Variants in RBPJ observed in about 807,000 individuals in gnomAD.
The protein encoded by RBPJ is recombining binding protein suppressor of hairless.
In RBPJ, 9 loss-of-function variants were observed where a neutral mutation model predicts 67.8. The observed-to-expected ratio is 0.13, with a 90% confidence interval of 0.08 to 0.23. The LOEUF (loss-of-function observed/expected upper bound fraction) is 0.23, where lower values mean the gene tolerates loss of function less well. Among genes scored for constraint, RBPJ ranks in the 10% least tolerant of loss-of-function variants. The probability of loss-of-function intolerance (pLI) is 1.00; values close to 1 mark genes in which losing one functional copy is unlikely to be tolerated. For missense variants in RBPJ, 305 were observed against 595.6 expected (o/e 0.51, Z 5.08); for synonymous variants, 198 against 203.3 (o/e 0.97, Z 0.22).
chr4:26,138,602 A>G, the RBPJ span, among the ~76,000 whole-genome samples: 3 of 152,178 alleles, frequency 2.0e-5, no homozygotes, highest in African/African-American at 7.2e-5. Context: ...AGCCAGAGAA[A>G]TGTCGCTGCT....
chr4:26,415,663 C>T (rs1734511205), intron 4 of RBPJ, 23 bp downstream of exon 4: 1 of 1,575,536 alleles, frequency 6.3e-7, no homozygotes. Flanking sequence ...TGCTAGTTCA[C>T]CAGAAAGGGG....
chr4:26,325,321 T>C (rs1235038214), intron 1 of RBPJ, among the ~76,000 whole-genome samples: 1 of 152,228 alleles, frequency 6.6e-6, no homozygotes, highest in Non-Finnish European at 1.5e-5. Flanking sequence ...AGCTTCTACA[T>C]GTAGCAGAGC....
intron 1 of RBPJ, among the ~76,000 whole-genome samples, chr4:26,353,757 C>A (rs1298878986): frequency 7.0e-6 from 1 of 142,674 alleles, no homozygotes; most frequent in African/African-American, 2.6e-5. Context: ...TACAGGCACC[C>A]ACCACCACGC....
chr4:26,112,544 C>CTTTTTTTTTTTTTTT, the RBPJ span: 1 of 102,290 alleles, frequency 9.8e-6, no homozygotes. Flanking sequence ...AGGAGGCAGC[C>CTTTTTTTTTTTTTTT]TTTTTTTTTT....
chr4:26,361,048 A>T (rs369403702), intron 1 of RBPJ, among the ~76,000 whole-genome samples: 47 of 147,462 alleles, frequency 3.2e-4, no homozygotes, highest in African/African-American at 9.6e-4. Context: ...TTCAGGAGTG[A>T]GTGTGTGTGC....
intron 1 of RBPJ, chr4:26,384,028 T>C (rs1730568989): frequency 6.6e-6 from 1 of 152,006 alleles, no homozygotes; most frequent in Non-Finnish European, 1.5e-5. Context: ...CCGGGCTAAT[T>C]TTTGTACTTT....
chr4:26,141,582 G>C, the RBPJ span, among the ~76,000 whole-genome samples: 1 of 152,206 alleles, frequency 6.6e-6, no homozygotes, highest in South Asian at 2.1e-4. Flanking sequence ...TGCATACAAC[G>C]TATGAGGATC....
chr4:26,161,264 T>G (rs1716071060), upstream of RBPJ, among the ~76,000 whole-genome samples: 1 of 152,204 alleles, frequency 6.6e-6, no homozygotes, highest in African/African-American at 2.4e-5. Flanking sequence ...CCATCCCAGC[T>G]AAGATCATCC....
chr4:26,163,903 G>A (rs1399312526), intron 1 of RBPJ, among the ~76,000 whole-genome samples: 4 of 152,196 alleles, frequency 2.6e-5, no homozygotes, highest in African/African-American at 7.2e-5. Context: ...CCTCCAGACC[G>A]GTAACACTGC....
chr4:26,394,111 C>T (rs955544812), intron 2 of RBPJ, among the ~76,000 whole-genome samples: 17 of 151,098 alleles, frequency 1.1e-4, no homozygotes, highest in African/African-American at 1.5e-4. Context: ...ATTGCAAGCT[C>T]GGCTTCCCGG....
At position 26,231,542 on chromosome 4, in the gene RBPJ, G is replaced by A. The variant is rs1477741432; in HGVS notation, c.-167+67928G>A. ...TTCTCCTGCCTCAGCCTCCAGAGTA[G>A]CTGGGATTATAGGCACCCGCCACCA... On this transcript the variant is annotated intron_variant, in intron 1 of 4. Coordinates refer to the RBPJ transcript ENST00000512351. Among the ~76,000 whole-genome samples the A allele has an allele frequency of 2.0e-5, 3 of 151,662 alleles. No individual in the cohort carries two copies. In the East Asian group the frequency reaches 5.9e-4, roughly 30 times the overall value.
At chr4:26,310,804 G>C (rs776400727) in intron 1 of RBPJ, among the ~76,000 whole-genome samples, 3 of 151,798 alleles carry the variant, frequency 2.0e-5, no homozygotes, top group Non-Finnish European at 2.9e-5. Flanking sequence ...CGAGTAGCTG[G>C]GATTACAGGC....
chr4:26,266,576 C>T (rs1720711501), intron 1 of RBPJ, among the ~76,000 whole-genome samples: 1 of 152,026 alleles, frequency 6.6e-6, no homozygotes, highest in African/African-American at 2.4e-5. Context: ...GAGGGCACTT[C>T]TTACATGGGG....
chr4:26,152,206 AGGAGTGGCTATG>A, the RBPJ span, among the ~76,000 whole-genome samples: 3 of 152,238 alleles, frequency 2.0e-5, no homozygotes, highest in African/African-American at 7.2e-5. Flanking sequence ...TGTTGAATTC[AGGAGTGGCTATG>A]GGACTTGTGT....
rs6821126 is a variant in RBPJ at position 26,340,916 on chromosome 4, T to A, written c.20+19868T>A. 8.3e-4 allele frequency among the ~76,000 whole-genome samples: 126 copies of A among 152,034 alleles called. 1 individual carries two copies. The highest frequency in any genetic ancestry group is 3.0e-3 in the African/African-American group (124 of 41,516). The stretch of plus-strand genomic sequence containing the variant: ...AAGGTAGCATGTGAAAGCCTTGAAA[T>A]AAGTGTCATAAAGGAAAAAAATCAT... On this transcript the variant is annotated intron_variant, in intron 1 of 10. Transcript: ENST00000355476.
intron 1 of RBPJ, among the ~76,000 whole-genome samples, chr4:26,208,626 A>T (rs1323625029): frequency 6.6e-6 from 1 of 152,262 alleles, no homozygotes; most frequent in Admixed American, 6.5e-5. Flanking sequence ...TGATGAACCC[A>T]GTTTATCCAT....
At chr4:26,373,195 C>G (rs1018315295) in intron 1 of RBPJ, among the ~76,000 whole-genome samples, 1 of 152,144 alleles carries the variant, frequency 6.6e-6, no homozygotes, top group Non-Finnish European at 1.5e-5. Context: ...CTCTTCTCCC[C>G]CATTCTGAAC....
At chr4:26,278,423 G>A (rs1025533045) in intron 1 of RBPJ, among the ~76,000 whole-genome samples, 5 of 152,152 alleles carry the variant, frequency 3.3e-5, no homozygotes, top group African/African-American at 4.8e-5. Flanking sequence ...GCTGATATCT[G>A]ATAGAAAAAA....
chr4:26,375,575 T>C (rs1209654373), intron 1 of RBPJ, among the ~76,000 whole-genome samples: 1 of 152,164 alleles, frequency 6.6e-6, no homozygotes, highest in Non-Finnish European at 1.5e-5. Context: ...CAGTTTTAGG[T>C]GAAATAGGCA....
Sources: gnomAD v4.1 joint callset for allele counts (sites outside exome capture counted in the v4.1 genomes callset) on GRCh38, gnomAD v4.1.1 for gene constraint, MANE v1.5 for transcripts, NCBI Gene and HGNC (gene_info 2026-07-23, HGNC 2026-07-21) for gene names.